NTN1: variants seen among roughly 807,000 people sequenced by gnomAD.
NTN1 encodes netrin 1, also known as netrin-1.
In NTN1, 11 loss-of-function variants were observed where a neutral mutation model predicts 54.2. The ratio of observed to expected loss-of-function variants is 0.20; its 90% CI spans 0.13 to 0.34. The LOEUF (loss-of-function observed/expected upper bound fraction) is 0.34, where lower values mean the gene tolerates loss of function less well. NTN1 is among the 10% of genes least tolerant of loss of function. The probability of loss-of-function intolerance (pLI) is 1.00; values close to 1 mark genes in which losing one functional copy is unlikely to be tolerated. For synonymous variants in NTN1, 371 were observed against 382.0 expected (o/e 0.97, Z 0.33); for missense variants, 740 against 893.1 (o/e 0.83, Z 2.18).
intron 6 of NTN1, among the ~76,000 whole-genome samples, chr17:9,237,043 A>G (rs981522545): frequency 7.9e-5 from 12 of 152,210 alleles, no homozygotes; most frequent in African/African-American, 2.9e-4. Flanking sequence ...AGACTCTGCC[A>G]GCTCTGCCCT....
chr17:9,229,939 G>C (rs1905748517), intron 6 of NTN1, among the ~76,000 whole-genome samples: 1 of 152,058 alleles, frequency 6.6e-6, no homozygotes, highest in Non-Finnish European at 1.5e-5. Context: ...CCCGGTCCTG[G>C]CTCAGCCCTT....
In NTN1 at chr17:9,123,337, G is replaced by T. The variant is rs139271732; in HGVS notation, c.1019-39476G>T. Among the ~76,000 whole-genome samples the T allele has an allele frequency of 9.0e-3, 1,371 of 152,276 alleles. 11 individuals carry two copies. The highest frequency in any genetic ancestry group is 0.034 in the Middle Eastern group (10 of 294). On this transcript the variant is annotated intron_variant, in intron 2 of 6. Coordinates refer to ENST00000173229, the MANE Select transcript of NTN1 (RefSeq NM_004822.3). ...TATATTTTGTGAATCACCTATGGGG[G>T]CGTTAATAAGTTTTCCAAAAAGATG... is the stretch of plus-strand genomic sequence containing the variant.
intron 2 of NTN1, among the ~76,000 whole-genome samples, chr17:9,130,392 T>C (rs2092260971): frequency 6.6e-6 from 1 of 152,120 alleles, no homozygotes; most frequent in African/African-American, 2.4e-5. Flanking sequence ...ATGATGCACC[T>C]GTTCCCTCCC....
At chr17:9,204,193 C>CTCCTTCCTTCCT (rs377435744) in intron 5 of NTN1, among the ~76,000 whole-genome samples, 9,455 of 147,082 alleles carry the variant, frequency 0.064, 395 homozygotes, top group Non-Finnish European at 0.085. Context: ...CCTTCCTTCC[C>CTCCTTCCTTCCT]TCCTTCCTTC....
At chr17:9,116,222 C>T (rs183780648) in intron 2 of NTN1, among the ~76,000 whole-genome samples, 3 of 152,320 alleles carry the variant, frequency 2.0e-5, no homozygotes, top group East Asian at 3.9e-4. Context: ...AGAACAGGTG[C>T]CTCTTGGCAT....
intron 2 of NTN1, among the ~76,000 whole-genome samples, chr17:9,077,463 T>C (rs2142221317): frequency 6.6e-6 from 1 of 152,328 alleles, no homozygotes; most frequent in African/African-American, 2.4e-5. Context: ...TTTAGCACTC[T>C]GAACCATTCA....
intron 6 of NTN1, among the ~76,000 whole-genome samples, chr17:9,226,563 C>T (rs1905570372): frequency 6.6e-6 from 1 of 151,216 alleles, no homozygotes; most frequent in Admixed American, 6.6e-5. Flanking sequence ...CTCAGGTCAC[C>T]TGGCCGCCCT....
chr17:9,095,248 T>C (rs994467630), intron 2 of NTN1, among the ~76,000 whole-genome samples: 16 of 152,262 alleles, frequency 1.1e-4, no homozygotes, highest in African/African-American at 2.9e-4. Context: ...CCCTTGCCTC[T>C]GTTTTGCTTC....
Position 9,180,636 on chromosome 17 carries a change from CT to C in NTN1, c.1357+681del, listed in dbSNP as rs368586600. Among the ~76,000 whole-genome samples, 911 of 152,366 alleles carry C rather than the reference CT, an allele frequency of 6.0e-3. 9 individuals carry two copies. The highest frequency in any genetic ancestry group is 0.021 in the African/African-American group (863 of 41,594). The stretch of plus-strand genomic sequence containing the variant: ...TATTGCCGGAATGCCGGCATTCCCC[CT>C]GCCCCTGGTGGGTTCAGAACAGAAA... On this transcript the variant is annotated intron_variant, in intron 4 of 6. Transcript: ENST00000173229.
At chr17:9,238,879 G>A (rs529304331) in intron 6 of NTN1, among the ~76,000 whole-genome samples, 5 of 152,356 alleles carry the variant, frequency 3.3e-5, no homozygotes, top group South Asian at 2.1e-4. Context: ...TCAATCTGAA[G>A]CTCTGGGGCG....
chr17:9,107,943 T>C (rs956511097), intron 2 of NTN1, among the ~76,000 whole-genome samples: 1 of 152,204 alleles, frequency 6.6e-6, no homozygotes, highest in Non-Finnish European at 1.5e-5. Flanking sequence ...TTGAAACCCA[T>C]CTATTCACTG....
intron 2 of NTN1, 57 bp from the exon 3 acceptor site, chr17:9,162,756 G>A: frequency 6.6e-7 from 1 of 1,521,452 alleles, no homozygotes; most frequent in Non-Finnish European, 8.9e-7. Flanking sequence ...GACGCTCTTG[G>A]GTGCCTGTCC....
intron 2 of NTN1, among the ~76,000 whole-genome samples, chr17:9,144,737 C>T (rs930968099): frequency 6.6e-6 from 1 of 152,274 alleles, no homozygotes; most frequent in African/African-American, 2.4e-5. Flanking sequence ...GGCCTCCCAG[C>T]CTCAGTGGGG....
At chr17:9,156,324 A>G (rs4791339) in intron 2 of NTN1, among the ~76,000 whole-genome samples, 84,677 of 151,298 alleles carry the variant, frequency 0.56, 23,852 homozygotes, top group African/African-American at 0.58. Flanking sequence ...TGGAAGGAGA[A>G]GACATGGTGA....
At chr17:9,066,090 A>G (rs1396869680) in intron 2 of NTN1, among the ~76,000 whole-genome samples, 1 of 152,190 alleles carries the variant, frequency 6.6e-6, no homozygotes, top group African/African-American at 2.4e-5. Flanking sequence ...GCAATTATGT[A>G]TATTATTGTC....
upstream of NTN1, among the ~76,000 whole-genome samples, chr17:9,016,883 G>T (rs1339396317): frequency 6.6e-6 from 1 of 152,170 alleles, no homozygotes; most frequent in Non-Finnish European, 1.5e-5. Flanking sequence ...CTTGCTGGCT[G>T]CCATTCTTTC....
rs2092342543 is a variant in NTN1 at position 9,156,450 on chromosome 17, C to T, written c.1019-6363C>T. ...GAGAAGCCCCTGGGCCATGTGAAGT[C>T]TGGGGGAGCCAGGACCAGAGTCCCT... On this transcript the variant is annotated intron_variant, in intron 2 of 6. Transcript: ENST00000173229. 2.6e-5 allele frequency among the ~76,000 whole-genome samples: 4 copies of T among 152,126 alleles called. No homozygotes were observed. The South Asian group carries it at 8.3e-4, about 32-fold the overall frequency.
chr17:9,223,589 C>G (rs1170856046), intron 6 of NTN1, among the ~76,000 whole-genome samples: 1 of 151,854 alleles, frequency 6.6e-6, no homozygotes, highest in Non-Finnish European at 1.5e-5. Flanking sequence ...CATATGGCCC[C>G]GGAGCTGCAG....
At chr17:9,017,688 C>G (rs185822625), upstream of NTN1, among the ~76,000 whole-genome samples, 1 of 152,356 alleles carries the variant, frequency 6.6e-6, no homozygotes, top group East Asian at 1.9e-4. Flanking sequence ...CACCCAAAAT[C>G]TGCACTGTTG....
Sources: allele counts gnomAD v4.1 joint callset (sites outside exome capture counted in the v4.1 genomes callset), GRCh38; gene constraint gnomAD v4.1.1; transcripts MANE v1.5; gene names NCBI Gene and HGNC (gene_info 2026-07-23, HGNC 2026-07-21).